The following DYRK4 variants were observed in gnomAD, a reference collection of about 807,000 sequenced individuals.
The protein encoded by DYRK4 is dual specificity tyrosine-phosphorylation-regulated kinase 4.
In DYRK4, 64 loss-of-function variants were observed where a neutral mutation model predicts 68.3. The observed-to-expected ratio is 0.94, with a 90% CI of 0.77 to 1.15. The LOEUF (loss-of-function observed/expected upper bound fraction) is 1.15. DYRK4 is among the 50% of genes most tolerant of loss of function. DYRK4 has a pLI of 0.00. For missense variants in DYRK4, 740 were observed against 764.7 expected, an observed-to-expected ratio of 0.97 and a Z score of 0.38; for synonymous variants, 274 against 289.9, an observed-to-expected ratio of 0.95 and a Z score of 0.56.
intron 2 of DYRK4, among the ~76,000 whole-genome samples, chr12:4,584,277 C>A (rs529171045): frequency 6.6e-6 from 1 of 152,176 alleles, no homozygotes; most frequent in Non-Finnish European, 1.5e-5. Flanking sequence ...GCTCGGTAGG[C>A]ACATAGATAT....
chr12:4,584,486 A>C (rs2137349178), intron 2 of DYRK4, among the ~76,000 whole-genome samples: 1 of 151,746 alleles, frequency 6.6e-6, no homozygotes, highest in African/African-American at 2.4e-5. Flanking sequence ...CATAAATGCC[A>C]GGTGCAGAGT....
At chr12:4,562,362 G>A (rs907543154) in intron 1 of DYRK4, 79 bp downstream of exon 1, 1 of 1,467,562 alleles carries the variant, frequency 6.8e-7, no homozygotes, top group African/African-American at 1.4e-5. Flanking sequence ...TGGTCGACGG[G>A]GTCGTGGGGG....
chr12:4,599,851 C>T, intron 10 of DYRK4, 63 bp downstream of exon 10: 1 of 1,398,030 alleles, frequency 7.2e-7, no homozygotes, highest in Admixed American at 1.7e-5. Context: ...CCTTCACATA[C>T]AAGGTCACCT....
intron 2 of DYRK4, among the ~76,000 whole-genome samples, chr12:4,570,612 G>A (rs888560178): frequency 6.6e-6 from 1 of 152,206 alleles, no homozygotes; most frequent in Non-Finnish European, 1.5e-5. Context: ...AGAAGAGGGA[G>A]CTGTGGATCT....
In DYRK4 at chr12:4,590,399, A is replaced by G; in HGVS notation, c.283A>G (p.Ile95Val). Residue 95 changes from isoleucine to valine, a missense_variant, in exon 4 of 15, where the codon ATT (isoleucine) becomes GTT (valine). By Grantham distance (29) the Ile-to-Val change is conservative (BLOSUM62 3). Around this residue, in one of 3 missense-constraint regions of DYRK4, gnomAD observed 56 missense variants for 89.9 expected, o/e 0.62. Transcript: ENST00000543431. ...GKKNTVSFPH[I>V]SKKVLLKSSL... The stretch of plus-strand genomic sequence containing the variant: ...GAAGAATACGGTAAGCTTCCCACAC[A>G]TTAGCAAGAAAGTCCTGCTGAAGTC... 1.3e-6 allele frequency: 2 copies of G among 1,536,016 alleles called. No homozygotes were observed. The highest frequency in any genetic ancestry group is 1.7e-6 in the Non-Finnish European group (2 of 1,146,872).
chr12:4,586,475 C>T (rs1490082154), intron 2 of DYRK4, among the ~76,000 whole-genome samples: 1 of 152,188 alleles, frequency 6.6e-6, no homozygotes, highest in African/African-American at 2.4e-5. Context: ...TACGGGAGAG[C>T]ACACCCGCTT....
intron 2 of DYRK4, among the ~76,000 whole-genome samples, chr12:4,574,142 T>G (rs1470907515): frequency 2.0e-5 from 3 of 151,364 alleles, no homozygotes; most frequent in East Asian, 1.9e-4. Context: ...GGAGAATTGC[T>G]TGAACCTGGG....
At chr12:4,611,884 G>A (rs931569787) in intron 13 of DYRK4, among the ~76,000 whole-genome samples, 2 of 152,200 alleles carry the variant, frequency 1.3e-5, no homozygotes, top group African/African-American at 4.8e-5. Flanking sequence ...TTGTGTGATG[G>A]TAATGTGTTG....
intron 1 of DYRK4, among the ~76,000 whole-genome samples, chr12:4,566,922 G>A (rs1448539576): frequency 6.6e-6 from 1 of 152,160 alleles, no homozygotes; most frequent in Non-Finnish European, 1.5e-5. Context: ...AGACATGCAA[G>A]CATTTTGTTT....
chr12:4,574,967 G>A (rs1240535539), intron 2 of DYRK4, among the ~76,000 whole-genome samples: 3 of 152,180 alleles, frequency 2.0e-5, no homozygotes, highest in East Asian at 1.9e-4. Context: ...TGATCCACCA[G>A]CCTCGGCATC....
At chr12:4,598,889 G>C (rs979897185) in intron 8 of DYRK4, 139 bp from the exon 9 acceptor site, 4 of 888,130 alleles carry the variant, frequency 4.5e-6, no homozygotes, top group Non-Finnish European at 5.3e-6. Flanking sequence ...GTCTATAAGG[G>C]CATGAAAGCC....
At chr12:4,607,245 C>A in intron 11 of DYRK4, 82 bp from the exon 12 acceptor site, 1 of 1,541,428 alleles carries the variant, frequency 6.5e-7, no homozygotes, top group Non-Finnish European at 9.0e-7. Context: ...GAAGGCAAAG[C>A]TTGGCCAAAG....
At position 4,599,707 on chromosome 12, in the gene DYRK4, G is replaced by GA. The variant is rs867003265; in HGVS notation, c.1049dup (p.Asn350LysfsTer13). 1 of 1,612,910 alleles carries GA rather than the reference G, an allele frequency of 6.2e-7. No individual in the cohort carries two copies. The highest frequency in any genetic ancestry group is 8.5e-7 in the Non-Finnish European group (1 of 1,179,186). On this transcript the variant is annotated frameshift_variant and splice_region_variant, in exon 10 of 15. Transcript: ENST00000543431. LOFTEE classifies it high-confidence loss of function. ...GACATATGTCTTTTCTTCTCTCTAG[G>GA]AAAATATAGTGCTATACCAAAAGGG...
intron 2 of DYRK4, chr12:4,580,846 T>C (rs756530775): frequency 2.2e-6 from 1 of 455,754 alleles, no homozygotes; most frequent in South Asian, 1.5e-5. Context: ...AGGAGTCAGC[T>C]GAGAAAACAG....
chr12:4,599,281 T>G (rs1451133732), intron 9 of DYRK4, 115 bp downstream of exon 9: 5 of 1,152,282 alleles, frequency 4.3e-6, no homozygotes, highest in Non-Finnish European at 6.0e-6. Context: ...TTTTTTTTTT[T>G]TTTTTTTTTT....
chr12:4,612,641 T>C lies in DYRK4; in HGVS notation c.1589T>C (p.Leu530Pro), dbSNP rs775563511. 26 of 1,614,074 alleles carry C rather than the reference T, an allele frequency of 1.6e-5. No homozygotes were observed. The highest frequency in any genetic ancestry group is 1.7e-5 in the Non-Finnish European group (20 of 1,180,042). The change falls in exon 14 of 15, where the codon CTG (leucine) becomes CCG (proline). Residue 530 changes from leucine to proline, a missense_variant. Physicochemically the swap from Leu to Pro is moderately conservative, Grantham distance 98. This residue lies in a region of DYRK4 where 614 missense variants were observed against 603.7 expected (regional missense o/e 1.02). Transcript: ENST00000543431. ...AAGCCACAGCCCAGGCCCCAGACCC[T>C]GAGGAAATCCAATTCCTTTTTCCCC... is the stretch of plus-strand genomic sequence containing the variant. ...NLKPQPRPQT[L>P]RKSNSFFPSE...
intron 2 of DYRK4, chr12:4,580,828 A>C (rs920666540): frequency 2.4e-5 from 11 of 455,562 alleles, no homozygotes; most frequent in Non-Finnish European, 4.9e-5. Context: ...AAACAGGAAG[A>C]GACAAGGAGG....
intron 1 of DYRK4, among the ~76,000 whole-genome samples, chr12:4,566,699 T>TAGAA (rs537014676): frequency 2.0e-5 from 3 of 152,232 alleles, no homozygotes; most frequent in Non-Finnish European, 2.9e-5. Context: ...CAAATGTTTA[T>TAGAA]AGAAAGAAAG....
intron 2 of DYRK4, chr12:4,573,111 G>A (rs531373496): frequency 1.5e-3 from 550 of 363,576 alleles, no homozygotes; most frequent in Non-Finnish European, 2.5e-3. Context: ...TTATGGTAAT[G>A]CATTCACCTG....
Sources: allele counts gnomAD v4.1 joint callset (sites outside exome capture counted in the v4.1 genomes callset), GRCh38; gene constraint gnomAD v4.1.1; regional missense constraint gnomAD v4.1.1; transcripts MANE v1.5; gene names NCBI Gene and HGNC (gene_info 2026-07-23, HGNC 2026-07-21).